Variants in USP9X observed in about 807,000 individuals in gnomAD.
USP9X encodes ubiquitin specific peptidase 9 X-linked.
Under a neutral mutation model 190.3 loss-of-function variants are expected in USP9X, and 7 were observed. The ratio of observed to expected loss-of-function variants is 0.04; its 90% CI spans 0.02 to 0.07. The LOEUF is 0.07. Among genes scored for constraint, USP9X ranks in the 10% least tolerant of loss-of-function variants. USP9X has a pLI of 1.00. For missense variants in USP9X, 1,010 were observed against 1,916.9 expected (o/e 0.53, Z 8.83); for synonymous variants, 645 against 659.5 (o/e 0.98, Z 0.34).
chrX:41,121,078 C>T (rs1241220589), intron 1 of USP9X, among the ~76,000 whole-genome samples: 5 of 107,845 alleles, frequency 4.6e-5, no homozygotes, highest in Non-Finnish European at 9.6e-5. Context: ...GAACTCCTGA[C>T]CTCAAGTGAT....
intron 16 of USP9X, chrX:41,167,235 C>T (rs2062685593): frequency 4.1e-6 from 1 of 244,124 alleles, no homozygotes; most frequent in Non-Finnish European, 7.3e-6. Flanking sequence ...TAATAGTGGT[C>T]AAAGCGTATT....
chrX:41,168,299 A>G, intron 18 of USP9X, 81 bp downstream of exon 18: 1 of 876,286 alleles, frequency 1.1e-6, no homozygotes, highest in Non-Finnish European at 1.5e-6. Flanking sequence ...GAGAGCAGAA[A>G]TTTTTCTCGT....
At chrX:41,190,519 T>TA (rs1311190205) in intron 26 of USP9X, among the ~76,000 whole-genome samples, 1 of 111,796 alleles carries the variant, frequency 8.9e-6, no homozygotes, top group African/African-American at 3.3e-5. Context: ...TTGGAAAAGA[T>TA]AAATAGGTTT....
chrX:41,137,226 G>A (rs754063174), intron 6 of USP9X, among the ~76,000 whole-genome samples: 1 of 111,158 alleles, frequency 9.0e-6, no homozygotes, highest in African/African-American at 3.3e-5. Flanking sequence ...CTTCTGTCCA[G>A]CCTCTTTAGA....
intron 21 of USP9X, among the ~76,000 whole-genome samples, chrX:41,177,225 C>G (rs537920732): frequency 1.6e-3 from 181 of 112,468 alleles, no homozygotes; most frequent in Non-Finnish European, 2.5e-3. Context: ...CATATTTTGA[C>G]ACTTTCCTCA....
intron 24 of USP9X, 139 bp downstream of exon 24, chrX:41,186,781 A>G (rs927645780): frequency 4.8e-5 from 34 of 711,791 alleles, no homozygotes; most frequent in Non-Finnish European, 5.7e-5. Flanking sequence ...GTTTTTAATC[A>G]ACTTTATGTA....
chrX:41,187,181 G>A (rs1042848882), intron 24 of USP9X, among the ~76,000 whole-genome samples: 1 of 112,125 alleles, frequency 8.9e-6, no homozygotes, highest in African/African-American at 3.2e-5. Flanking sequence ...TGCTGCGGTC[G>A]AAACCGAATG....
In USP9X at chrX:41,185,175, A is replaced by G. The variant is rs142174109; in HGVS notation, c.3558+500A>G. Among the ~76,000 whole-genome samples the G allele has an allele frequency of 1.5e-4, 17 of 112,432 alleles. No individual in the cohort carries two copies. In the East Asian group the frequency reaches 4.7e-3, roughly 31 times the overall value. The stretch of plus-strand genomic sequence containing the variant: ...TCAAACTATGCATTTAATTCTAAGT[A>G]AAGTTTTATAAACATCATAAATGAT... On this transcript the variant is annotated intron_variant, in intron 23 of 44. Transcript: ENST00000378308.
At chrX:41,154,930 T>C (rs941321366) in intron 14 of USP9X, among the ~76,000 whole-genome samples, 21 of 111,911 alleles carry the variant, frequency 1.9e-4, no homozygotes, top group African/African-American at 6.5e-4. Flanking sequence ...ACCAGTAAAA[T>C]TCTTCTATTA....
At chrX:41,115,909 C>G (rs2062144872) in intron 1 of USP9X, among the ~76,000 whole-genome samples, 1 of 111,745 alleles carries the variant, frequency 8.9e-6, no homozygotes, top group Non-Finnish European at 1.9e-5. Context: ...GGGATAATGA[C>G]TGGGTAAGAA....
intron 18 of USP9X, among the ~76,000 whole-genome samples, chrX:41,168,976 TAA>T (rs1457429896): frequency 8.9e-6 from 1 of 111,933 alleles, no homozygotes; most frequent in Non-Finnish European, 1.9e-5. Context: ...TATTTTACTT[TAA>T]AAAAGGTACT....
rs1316686461 is a variant in USP9X, at chrX:41,234,873, T to C, written c.*2349T>C. ...CCGCGCCTGGCCCCAGTTGATAGTT[T>C]TTTTAATTTAAAAGTTCCTCAATTC... On this transcript the variant is annotated 3_prime_UTR_variant, in exon 45 of 45. Transcript: ENST00000378308. The C allele has an allele frequency of 8.9e-6, 1 of 112,099 alleles. No homozygotes were observed. The highest frequency in any genetic ancestry group is 1.9e-5 in the Non-Finnish European group (1 of 53,197). The allele number at this position is 112,099 out of a possible 1,213,427, so 9.2% of individuals were successfully genotyped here. A position where few individuals can be genotyped will look rare whatever the true frequency, so the allele number is the denominator to read the frequency against.
At chrX:41,123,191 A>C (rs757957012) in intron 1 of USP9X, among the ~76,000 whole-genome samples, 2 of 112,002 alleles carry the variant, frequency 1.8e-5, no homozygotes, top group East Asian at 5.6e-4. Context: ...GCCGTTTCTT[A>C]ATTTAATTAA....
chrX:41,153,687 T>TA (rs1264434556), intron 14 of USP9X, among the ~76,000 whole-genome samples: 1 of 112,244 alleles, frequency 8.9e-6, no homozygotes, highest in Admixed American at 9.4e-5. Context: ...CTTTGACAGT[T>TA]ATGTCAGTCT....
At chrX:41,225,238 T>C in intron 41 of USP9X, 101 bp downstream of exon 41, 2 of 717,320 alleles carry the variant, frequency 2.8e-6, no homozygotes. Flanking sequence ...ATTGGAGTTC[T>C]AGTGAATGTT....
At chrX:41,141,977 C>T (rs2062426750) in intron 9 of USP9X, among the ~76,000 whole-genome samples, 1 of 111,284 alleles carries the variant, frequency 9.0e-6, no homozygotes, top group East Asian at 2.8e-4. Context: ...AGTAAGTATG[C>T]CATTTAAGTT....
chrX:41,129,967 A>G (rs974669218), intron 3 of USP9X, among the ~76,000 whole-genome samples: 1 of 112,025 alleles, frequency 8.9e-6, no homozygotes, highest in South Asian at 3.7e-4. Flanking sequence ...ATCTAAATAC[A>G]TAAATAATGA....
At chrX:41,147,470 TGGAGACA>T (rs1424856130) in intron 11 of USP9X, among the ~76,000 whole-genome samples, 4 of 86,775 alleles carry the variant, frequency 4.6e-5, no homozygotes, top group Non-Finnish European at 8.6e-5. Context: ...TTTTTTTTTT[TGGAGACA>T]GAGTCTCACT....
chrX:41,125,643 A>AACACACACACACACACAC (rs748348083), intron 2 of USP9X, among the ~76,000 whole-genome samples: 9 of 27,691 alleles, frequency 3.3e-4, no homozygotes, highest in African/African-American at 9.3e-4. Context: ...CCCTCCCGCC[A>AACACACACACACACACAC]ACACACACAC....
Sources: allele counts gnomAD v4.1 joint callset (sites outside exome capture counted in the v4.1 genomes callset), GRCh38; gene constraint gnomAD v4.1.1; transcripts MANE v1.5; gene names NCBI Gene and HGNC (gene_info 2026-07-23, HGNC 2026-07-21).